The following CDYL variants were observed in gnomAD, a reference collection of about 807,000 sequenced individuals.
CDYL encodes chromodomain Y-like protein.
In CDYL, 8 loss-of-function variants were observed where a neutral mutation model predicts 47.3. The observed-to-expected ratio is 0.17, with a 90% CI of 0.10 to 0.31. The LOEUF is 0.31. CDYL is among the 10% of genes least tolerant of loss of function. The pLI is 1.00. For synonymous variants in CDYL, 266 were observed against 265.0 expected (o/e 1.00, Z -0.04); for missense variants, 471 against 701.4 (o/e 0.67, Z 3.71).
At chr6:4,766,678 T>C (rs1305882139) in intron 3 of CDYL, among the ~76,000 whole-genome samples, 2 of 152,060 alleles carry the variant, frequency 1.3e-5, no homozygotes, top group Non-Finnish European at 2.9e-5. Context: ...CATGACAACT[T>C]ATTTTATGAG....
chr6:4,775,311 T>C (rs546092158), upstream of CDYL: 1 of 151,428 alleles, frequency 6.6e-6, no homozygotes, highest in African/African-American at 2.4e-5. The surrounding 1 kb of genome is among the most constrained non-coding windows in gnomAD (Gnocchi z 7.0). Context: ...TCTGGGGGAG[T>C]TGGGTCAGGA....
At chr6:4,926,097 T>C (rs920699942) in intron 2 of CDYL, among the ~76,000 whole-genome samples, 3 of 152,202 alleles carry the variant, frequency 2.0e-5, no homozygotes, top group Non-Finnish European at 4.4e-5. Flanking sequence ...CCCCTATGGA[T>C]AGAGAACTGG....
chr6:4,736,621 C>T (rs1757708412), intron 3 of CDYL, among the ~76,000 whole-genome samples: 1 of 151,370 alleles, frequency 6.6e-6, no homozygotes, highest in South Asian at 2.1e-4. Flanking sequence ...TGGCAACTTC[C>T]CTAGGAGTGG....
At chr6:4,779,970 CACTT>C (rs1299732756) in intron 1 of CDYL, among the ~76,000 whole-genome samples, 8 of 152,064 alleles carry the variant, frequency 5.3e-5, no homozygotes, top group Non-Finnish European at 1.2e-4. Flanking sequence ...TTTTTCCAAT[CACTT>C]ACAAATGTAA....
intron 1 of CDYL, among the ~76,000 whole-genome samples, chr6:4,826,311 C>CT (rs945246418): frequency 6.6e-6 from 1 of 152,128 alleles, no homozygotes; most frequent in Admixed American, 6.5e-5. Context: ...ATAACCAACT[C>CT]TTAATTTCAT....
intron 1 of CDYL, among the ~76,000 whole-genome samples, chr6:4,777,859 T>C (rs1200191046): frequency 6.6e-6 from 1 of 152,216 alleles, no homozygotes; most frequent in Non-Finnish European, 1.5e-5. Flanking sequence ...TTTTTGTTGC[T>C]TTTTAAGAGC....
chr6:4,889,347 C>T (rs1397620902), intron 1 of CDYL, among the ~76,000 whole-genome samples: 2 of 152,064 alleles, frequency 1.3e-5, no homozygotes, highest in African/African-American at 2.4e-5. Flanking sequence ...CTTCAGCCTC[C>T]TGAGTAGCTG....
At chr6:4,884,802 G>A (rs753260446) in intron 1 of CDYL, among the ~76,000 whole-genome samples, 3 of 152,136 alleles carry the variant, frequency 2.0e-5, no homozygotes, top group Non-Finnish European at 4.4e-5. Context: ...GACTGTCTTT[G>A]TATTGCCCTG....
intron 2 of CDYL, among the ~76,000 whole-genome samples, chr6:4,925,999 AT>A (rs1233744074): frequency 6.6e-6 from 1 of 152,218 alleles, no homozygotes; most frequent in Non-Finnish European, 1.5e-5. Context: ...CTTTTCAAAA[AT>A]GTCTTAGCCT....
At chr6:4,765,232 A>C (rs1758234540) in intron 3 of CDYL, among the ~76,000 whole-genome samples, 1 of 152,142 alleles carries the variant, frequency 6.6e-6, no homozygotes, top group Non-Finnish European at 1.5e-5. Context: ...CTGAGGCATG[A>C]GAATCACTTG....
chr6:4,746,018 C>A (rs1389481661), intron 3 of CDYL, among the ~76,000 whole-genome samples: 2 of 152,192 alleles, frequency 1.3e-5, no homozygotes, highest in African/African-American at 4.8e-5. Context: ...GGACTTCATC[C>A]TAGCGAGATA....
exon 2 of CDYL, chr6:4,715,788 C>G (rs764688356): frequency 1.1e-5 from 17 of 1,614,002 alleles, no homozygotes; most frequent in Non-Finnish European, 1.4e-5. Flanking sequence ...TATGACATTT[C>G]AGGCAAGCCA....
chr6:4,817,945 A>G (rs1446213975), intron 1 of CDYL, among the ~76,000 whole-genome samples: 2 of 152,224 alleles, frequency 1.3e-5, no homozygotes, highest in South Asian at 2.1e-4. Flanking sequence ...TAAGTAAGAT[A>G]GTAGCTATTT....
intron 1 of CDYL, chr6:4,714,496 C>T (rs952699890): frequency 6.6e-6 from 1 of 152,214 alleles, no homozygotes; most frequent in Non-Finnish European, 1.5e-5. Flanking sequence ...AATAAGCTCT[C>T]AACAGAAACA....
rs140801959 is a variant in CDYL at position 4,788,142 on chromosome 6, G to A, written c.24+11335G>A. ...GGGTCCTTCTTTTGGGTCTCCAGTG[G>A]CTCACTTCTGTAGCAGGAAAGGGAC... On this transcript the variant is annotated intron_variant, in intron 1 of 6. Coordinates refer to ENST00000397588, the MANE Select transcript of CDYL (RefSeq NM_004824.4). Among the ~76,000 whole-genome samples, 961 of 152,096 alleles carry A rather than the reference G, an allele frequency of 6.3e-3. 9 individuals carry two copies. The highest frequency in any genetic ancestry group is 0.022 in the African/African-American group (925 of 41,480).
chr6:4,875,745 T>C (rs1761602644), intron 1 of CDYL, among the ~76,000 whole-genome samples: 1 of 152,190 alleles, frequency 6.6e-6, no homozygotes, highest in Admixed American at 6.5e-5. Context: ...CCTTTTTTAA[T>C]TATGAAAATT....
At chr6:4,870,786 G>A (rs1055624458) in intron 1 of CDYL, among the ~76,000 whole-genome samples, 1 of 152,040 alleles carries the variant, frequency 6.6e-6, no homozygotes, top group African/African-American at 2.4e-5. Flanking sequence ...CTACTGTTGA[G>A]TCCATCATTG....
chr6:4,870,823 TTTTTA>T (rs1761452591), intron 1 of CDYL, among the ~76,000 whole-genome samples: 1 of 152,238 alleles, frequency 6.6e-6, no homozygotes, highest in Non-Finnish European at 1.5e-5. Flanking sequence ...AATTATTATT[TTTTTA>T]TTTTGATACA....
intron 3 of CDYL, among the ~76,000 whole-genome samples, chr6:4,756,573 C>CGTGTGTCTGTGTGTGTCTGT (rs1228739911): frequency 2.2e-4 from 27 of 125,280 alleles, no homozygotes; most frequent in African/African-American, 8.7e-4. Flanking sequence ...TTAAAATTAT[C>CGTGTGTCTGTGTGTGTCTGT]GTGTGTATGT....
Sources: allele counts gnomAD v4.1 joint callset (sites outside exome capture counted in the v4.1 genomes callset), GRCh38; gene constraint gnomAD v4.1.1; non-coding constraint Gnocchi (gnomAD v3.1); transcripts MANE v1.5; gene names NCBI Gene and HGNC (gene_info 2026-07-23, HGNC 2026-07-21).